Variants in KRT32 observed in about 807,000 individuals in gnomAD.
KRT32 encodes the protein keratin 32.
A neutral mutation model predicts 41.8 loss-of-function variants in KRT32; 44 were observed. The observed-to-expected ratio is 1.05, with a 90% confidence interval of 0.83 to 1.35. The LOEUF is 1.35. Among genes scored for constraint, KRT32 ranks in the 40% most tolerant of loss-of-function variants. The probability of loss-of-function intolerance (pLI) is 0.00; values close to 1 mark genes in which losing one functional copy is unlikely to be tolerated. For missense variants in KRT32, 576 were observed against 584.6 expected (o/e 0.99, Z 0.15); for synonymous variants, 238 against 242.5 (o/e 0.98, Z 0.17).
Position 41,464,301 on chromosome 17 carries a change from T to C in KRT32, c.851A>G (p.Glu284Gly). ...GCCCACCTGCATATTGAACCATTCC[T>C]CCACGTCCCTGCGGTTGGCCTCCAC... Reference protein sequence around the residue: ...AMVEANRRDVEEWFNMQMEEL... With the variant: ...AMVEANRRDVGEWFNMQMEEL... Residue 284 changes from glutamate to glycine, a missense_variant, in exon 4 of 7, where the codon GAG (glutamate) becomes GGG (glycine). Coordinates refer to ENST00000225899, the MANE Select transcript of KRT32 (RefSeq NM_002278.3). The C allele has an allele frequency of 6.2e-7, 1 of 1,605,480 alleles. No homozygotes were observed. The highest frequency in any genetic ancestry group is 1.1e-5 in the South Asian group (1 of 89,708).
intron 6 of KRT32, among the ~76,000 whole-genome samples, chr17:41,461,396 A>T (rs1041110920): frequency 2.6e-5 from 4 of 152,262 alleles, no homozygotes. Flanking sequence ...ACTCAAAACC[A>T]GGAACAACAC....
chr17:41,467,322 T>C lies in KRT32; in HGVS notation c.4A>G (p.Thr2Ala), dbSNP rs778746245. 2 of 1,603,706 alleles carry C rather than the reference T, an allele frequency of 1.2e-6. No individual in the cohort carries two copies. Among genetic ancestry groups the C allele is most frequent in the East Asian group, 4.5e-5 (2 of 44,738 alleles). ...TTGTTGGTGACACAGCAGGAGGATG[T>C]CATGTTGGAGAGGCCCTTTCTCCTC... Reference protein sequence around the residue: MTSSCCVTNNLQ... With the variant: MASSCCVTNNLQ... Residue 2 changes from threonine (T) to alanine (A), a missense_variant, in exon 1 of 7, where the codon ACA becomes GCA. By Grantham distance (58) the Thr-to-Ala change is moderately conservative. Transcript: ENST00000225899.
chr17:41,466,820 C>T, intron 1 of KRT32, 38 bp downstream of exon 1: 3 of 1,472,688 alleles, frequency 2.0e-6, no homozygotes, highest in Non-Finnish European at 2.8e-6. Context: ...GTCCAGTTCC[C>T]TTCCCAGAGA....
intron 6 of KRT32, among the ~76,000 whole-genome samples, chr17:41,461,220 C>G (rs2018999462): frequency 6.6e-6 from 1 of 152,216 alleles, no homozygotes; most frequent in Non-Finnish European, 1.5e-5. Flanking sequence ...GTCTGTCTCC[C>G]CGGCCAAGCA....
At position 41,464,087 on chromosome 17, in the gene KRT32, C is replaced by G. The variant is rs775736018; in HGVS notation, c.987G>C (p.Gln329His). ...VNTLEIELQA[Q>H]HSLRDSLENT... The stretch of plus-strand genomic sequence containing the variant: ...ACCCAGCAGCTCTCACCAGGCTGTG[C>G]TGGGCCTGCAGCTCGATCTCCAGCG... The change falls in exon 5 of 7, where the codon CAG becomes CAC. Residue 329 changes from glutamine (Q) to histidine (H), a missense_variant. Coordinates refer to ENST00000225899, the MANE Select transcript of KRT32 (RefSeq NM_002278.3). 9 of 1,598,006 alleles carry G rather than the reference C, an allele frequency of 5.6e-6. No individual in the cohort carries two copies. The African/African-American group carries it at 1.2e-4, about 21-fold the overall frequency.
At chr17:41,466,256 C>G (rs867149200) in intron 1 of KRT32, 80 bp from the exon 2 acceptor site, 1 of 1,192,184 alleles carries the variant, frequency 8.4e-7, no homozygotes. Flanking sequence ...AAGACAGCAG[C>G]AAAGGTAGGA....
chr17:41,460,718 A>G (rs574695210), intron 6 of KRT32, among the ~76,000 whole-genome samples: 6 of 152,142 alleles, frequency 3.9e-5, no homozygotes, highest in Non-Finnish European at 8.8e-5. Flanking sequence ...GGGAGCAGGG[A>G]GGGAGAAAAT....
At position 41,467,340 on chromosome 17, in the gene KRT32, T is replaced by C; in HGVS notation, c.-15A>G. ...GAGGATGTCATGTTGGAGAGGCCCT[T>C]TCTCCTCAGCCACAGCTACCTGGAT... On this transcript the variant is annotated 5_prime_UTR_variant, in exon 1 of 7. Transcript: ENST00000225899. 1 of 1,579,618 alleles carries C rather than the reference T, an allele frequency of 6.3e-7. No homozygotes were observed. Among genetic ancestry groups the C allele is most frequent in the Non-Finnish European group, 8.6e-7 (1 of 1,158,716 alleles).
In KRT32 at chr17:41,459,749, C is replaced by T. The variant is rs2018980435; in HGVS notation, c.*361G>A. The stretch of plus-strand genomic sequence containing the variant: ...AGAATTTGCCCACGTTCCTCTTAAG[C>T]CCAATTGAGTAGGATTGGCTTGTGG... On this transcript the variant is annotated 3_prime_UTR_variant, in exon 7 of 7. Coordinates refer to ENST00000225899, the MANE Select transcript of KRT32 (RefSeq NM_002278.3). 1.2e-5 allele frequency: 2 copies of T among 167,324 alleles called. No homozygotes were observed. Among genetic ancestry groups the T allele is most frequent in the Non-Finnish European group, 2.6e-5 (2 of 76,964 alleles). 10.4% of individuals were successfully genotyped at this position (167,324 alleles called of 1,614,324 possible).
chr17:41,464,336 G>T lies in KRT32; in HGVS notation c.816C>A (p.Tyr272Ter). ...TRVLEEMRCQ[Y>*]EAMVEANRRD... is the part of the protein sequence containing the mutation. Reference sequence around the variant, plus strand: ...TGCGGTTGGCCTCCACCATGGCCTCGTACTGACACCGCATCTCCTCCAGCA... The same window carrying T: ...TGCGGTTGGCCTCCACCATGGCCTCTTACTGACACCGCATCTCCTCCAGCA... Residue 272 changes from tyrosine to a stop codon, truncating the protein, a stop_gained, in exon 4 of 7, where the codon TAC becomes TAA. Coordinates refer to ENST00000225899, the MANE Select transcript of KRT32 (RefSeq NM_002278.3). LOFTEE classifies it high-confidence loss of function. 6.2e-7 allele frequency: 1 copy of T among 1,612,166 alleles called. No homozygotes were observed. The highest frequency in any genetic ancestry group is 8.5e-7 in the Non-Finnish European group (1 of 1,178,846).
rs1466500386 is a variant in KRT32, at chr17:41,465,841, C to A, written c.640G>T (p.Ala214Ser). Residue 214 changes from alanine (A) to serine (S), a missense_variant, in exon 3 of 7, where the codon GCT becomes TCT. Transcript: ENST00000225899. ...GACTCAACCTGGGCCTCCAGGTCAG[C>A]CTTGCACAGAGTGAGATCATCCAGG... ...RILDDLTLCK[A>S]DLEAQVESLK... is the part of the protein sequence containing the mutation. 1.9e-6 allele frequency: 3 copies of A among 1,613,972 alleles called. No individual in the cohort carries two copies. Among genetic ancestry groups the A allele is most frequent in the Non-Finnish European group, 2.5e-6 (3 of 1,179,972 alleles).
intron 3 of KRT32, 71 bp from the exon 4 acceptor site, chr17:41,464,514 T>C (rs966983925): frequency 8.0e-5 from 113 of 1,407,088 alleles, no homozygotes; most frequent in Non-Finnish European, 1.0e-4. Flanking sequence ...CAGGGAGACA[T>C]GAAAAGATGC....
At chr17:41,462,729 G>C in intron 6 of KRT32, 101 bp downstream of exon 6, 7 of 1,277,508 alleles carry the variant, frequency 5.5e-6, no homozygotes, top group Non-Finnish European at 7.7e-6. Context: ...GTCAGGACAG[G>C]GTTCTAAGCT....
Position 41,466,964 on chromosome 17 carries a change from T to C in KRT32, c.362A>G (p.Asn121Ser), listed in dbSNP as rs1826021285. ...TTGGATCCTGCTCTCCAGCTCCGCA[T>C]TCTCCTGCTCCAGCTGCCGCACCCT... ...LTRVRQLEQE[N>S]AELESRIQEA... The change falls in exon 1 of 7, where the codon AAT (asparagine) becomes AGT (serine). Residue 121 changes from asparagine to serine, a missense_variant. Transcript: ENST00000225899. The C allele has an allele frequency of 6.2e-7, 1 of 1,614,102 alleles. No homozygotes were observed. Among genetic ancestry groups the C allele is most frequent in the South Asian group, 1.1e-5 (1 of 91,088 alleles).
intron 6 of KRT32, among the ~76,000 whole-genome samples, chr17:41,461,715 A>G (rs932664727): frequency 6.6e-6 from 1 of 152,240 alleles, no homozygotes; most frequent in Admixed American, 6.5e-5. Context: ...GACCCACGTC[A>G]TTCATGCATG....
At chr17:41,464,259 C>T (rs375825183) in intron 4 of KRT32, 23 bp downstream of exon 4, 109 of 1,584,716 alleles carry the variant, frequency 6.9e-5, no homozygotes, top group Non-Finnish European at 7.8e-5. Context: ...TGGAGGAGGC[C>T]ATCCCCACCG....
rs775065915 is a variant in KRT32, at chr17:41,466,896, G to C, written c.430C>G (p.Gln144Glu). 5 of 1,614,080 alleles carry C rather than the reference G, an allele frequency of 3.1e-6. No homozygotes were observed. Among genetic ancestry groups the C allele is most frequent in the Non-Finnish European group, 3.4e-6 (4 of 1,179,934 alleles). Residue 144 changes from glutamine to glutamate, a missense_variant, in exon 1 of 7, where the codon CAG (glutamine) becomes GAG (glutamate). Coordinates refer to ENST00000225899, the MANE Select transcript of KRT32 (RefSeq NM_002278.3). The stretch of plus-strand genomic sequence containing the variant: ...TCCTCAATGGTCCTGAAATGAGACT[G>C]GTAGTCAGGAGTCATGGTGAGCACC... Reference protein sequence around the residue: ...SQVLTMTPDYQSHFRTIEELQ... With the variant: ...SQVLTMTPDYESHFRTIEELQ...
chr17:41,463,029 G>A lies in KRT32; in HGVS notation c.1018C>T (p.Leu340=). ...CTGTAGCGGGCCTCACTCTCCGTCA[G>A]CGTGTTTTCCAGGGAGTCCCTCTAA... ...HSLRDSLENT[L]TESEARYSSQ... Residue 340 remains leucine, a synonymous_variant, in exon 6 of 7, where the codon CTG becomes TTG. Coordinates refer to ENST00000225899, the MANE Select transcript of KRT32 (RefSeq NM_002278.3). 1 of 1,613,658 alleles carries A rather than the reference G, an allele frequency of 6.2e-7. No individual in the cohort carries two copies.
Position 41,460,177 on chromosome 17 carries a change from G to A in KRT32, c.1280C>T (p.Pro427Leu), listed in dbSNP as rs117083040. Residue 427 changes from proline to leucine, a missense_variant, in exon 7 of 7, where the codon CCC becomes CTC. Transcript: ENST00000225899. ...CTTCVPSPCV[P>L]RTVCVPRTVG... ...AGTGCGTGGCACACAGACGGTGCGG[G>A]GCACGCATGGGGAGGGCACACAGGT... The A allele has an allele frequency of 0.019, 30,104 of 1,613,280 alleles. 344 individuals are homozygous for A. The highest frequency in any genetic ancestry group is 0.023 in the Non-Finnish European group (27,102 of 1,179,584).
Sources: allele counts gnomAD v4.1 joint callset (sites outside exome capture counted in the v4.1 genomes callset), GRCh38; gene constraint gnomAD v4.1.1; transcripts MANE v1.5; gene names NCBI Gene and HGNC (gene_info 2026-07-23, HGNC 2026-07-21).